ANKRD12: variants seen among roughly 807,000 people sequenced by gnomAD.
The protein encoded by ANKRD12 is ankyrin repeat domain 12, also known as ankyrin repeat domain-containing protein 12.
In ANKRD12, 85 loss-of-function variants were observed where a neutral mutation model predicts 183.4. The ratio of observed to expected loss-of-function variants is 0.46; its 90% CI spans 0.39 to 0.56. The LOEUF (loss-of-function observed/expected upper bound fraction) is 0.56, where lower values mean the gene tolerates loss of function less well. Ranked by LOEUF, ANKRD12 falls within the 20% of genes least tolerant of loss-of-function variation. The pLI is 0.00. For missense variants in ANKRD12, 2,405 were observed against 2,357.1 expected (o/e 1.02, Z -0.42); for synonymous variants, 914 against 800.2 (o/e 1.14, Z -2.40).
intron 10 of ANKRD12, among the ~76,000 whole-genome samples, chr18:9,269,620 C>A (rs2039489240): frequency 6.6e-6 from 1 of 152,158 alleles, no homozygotes; most frequent in South Asian, 2.1e-4. Context: ...AAAATTAATT[C>A]AAGATGGATT....
chr18:9,282,571 A>G lies in ANKRD12; in HGVS notation c.*1445A>G, dbSNP rs577198178. 2 of 152,656 alleles carry G rather than the reference A, an allele frequency of 1.3e-5. No homozygotes were observed. Among genetic ancestry groups the G allele is most frequent in the African/African-American group, 4.8e-5 (2 of 41,590 alleles). 9.5% of individuals were successfully genotyped at this position (152,656 alleles called of 1,614,324 possible). On this transcript the variant is annotated 3_prime_UTR_variant, in exon 13 of 13. Coordinates refer to ENST00000262126, the MANE Select transcript of ANKRD12 (RefSeq NM_015208.5). ...GAACTTGTTAGACATTTTTGAAAGGAAAATTAGGTTAGCGTACAATTTATC... is the reference window on the plus strand; with the variant it reads ...GAACTTGTTAGACATTTTTGAAAGGGAAATTAGGTTAGCGTACAATTTATC...
At position 9,176,979 on chromosome 18, in the gene ANKRD12, CTGTT is replaced by C. The variant is rs372508883; in HGVS notation, c.-51-5400_-51-5397del. On this transcript the variant is annotated intron_variant, in intron 1 of 12. Coordinates refer to ENST00000262126, the MANE Select transcript of ANKRD12 (RefSeq NM_015208.5). The stretch of plus-strand genomic sequence containing the variant: ...AGTCAGTTGCTGTTCGATACATAGA[CTGTT>C]TGGTCTGTAAGGAGCAAGAACATAC... 4.6e-3 allele frequency among the ~76,000 whole-genome samples: 693 copies of C among 152,284 alleles called. 2 individuals are homozygous for C. Among genetic ancestry groups the C allele is most frequent in the South Asian group, 8.1e-3 (39 of 4,830 alleles).
intron 6 of ANKRD12, among the ~76,000 whole-genome samples, chr18:9,216,455 A>G (rs535184101): frequency 6.6e-6 from 1 of 152,364 alleles, no homozygotes; most frequent in East Asian, 1.9e-4. Context: ...TAAGGCTTCC[A>G]GTTAACAGTA....
rs965145556 is a variant in ANKRD12, at chr18:9,205,753, T to TC, written c.304+1210dup. On this transcript the variant is annotated intron_variant, in intron 4 of 12. Coordinates refer to ENST00000262126, the MANE Select transcript of ANKRD12 (RefSeq NM_015208.5). ...CAGAGAGTAATGGCAAATTTTTTTT[T>TC]CAGAATTGAAGTATGTACATTGCAA... Among the ~76,000 whole-genome samples the TC allele has an allele frequency of 1.7e-3, 255 of 152,248 alleles. 1 individual carries two copies. The highest frequency in any genetic ancestry group is 5.5e-3 in the African/African-American group (227 of 41,570).
At chr18:9,223,292 C>T (rs185670951) in intron 8 of ANKRD12, among the ~76,000 whole-genome samples, 41 of 151,202 alleles carry the variant, frequency 2.7e-4, no homozygotes, top group Non-Finnish European at 4.3e-4. Flanking sequence ...CTCGCTCTGT[C>T]GCCCTGGCTG....
At chr18:9,188,144 A>G (rs761710952) in intron 2 of ANKRD12, among the ~76,000 whole-genome samples, 3 of 152,232 alleles carry the variant, frequency 2.0e-5, no homozygotes, top group Admixed American at 6.5e-5. Flanking sequence ...CTATTCAGCA[A>G]TAGCAGTAGC....
chr18:9,274,495 G>C (rs1568005898), intron 10 of ANKRD12, among the ~76,000 whole-genome samples: 1 of 152,260 alleles, frequency 6.6e-6, no homozygotes, highest in South Asian at 2.1e-4. Flanking sequence ...GTTCAAGATA[G>C]GTAATTCATA....
At chr18:9,207,235 G>A (rs552000471) in intron 4 of ANKRD12, among the ~76,000 whole-genome samples, 1 of 152,114 alleles carries the variant, frequency 6.6e-6, no homozygotes, top group East Asian at 1.9e-4. Flanking sequence ...CGTAAGTTAG[G>A]AAAAGTACTG....
At chr18:9,146,419 ACAC>A (rs2078495520) in intron 1 of ANKRD12, among the ~76,000 whole-genome samples, 1 of 152,212 alleles carries the variant, frequency 6.6e-6, no homozygotes, top group African/African-American at 2.4e-5. Context: ...ACAGTGGCAC[ACAC>A]CTGCAATCCC....
At chr18:9,228,104 AT>A (rs1468610667) in intron 8 of ANKRD12, among the ~76,000 whole-genome samples, 1 of 152,100 alleles carries the variant, frequency 6.6e-6, no homozygotes, top group African/African-American at 2.4e-5. Context: ...GTTGCTGCAA[AT>A]GACATCCATG....
chr18:9,192,295 C>T (rs1009416995), intron 2 of ANKRD12, among the ~76,000 whole-genome samples: 9 of 152,112 alleles, frequency 5.9e-5, no homozygotes, highest in Non-Finnish European at 1.2e-4. Context: ...TTATTCTTGT[C>T]ACTTTGTTCT....
chr18:9,257,468 A>G lies in ANKRD12; in HGVS notation c.4201A>G (p.Ser1401Gly). ...NTAPVNTVMD[S>G]PVHLEPSSQV... is the part of the protein sequence containing the mutation. ...TGCCCCAGTGAACACTGTAATGGAC[A>G]GTCCAGTGCATTTAGAGCCATCTAG... The change falls in exon 9 of 13, where the codon AGT becomes GGT. Residue 1401 changes from serine to glycine, a missense_variant. Around this residue, in one of 7 missense-constraint regions of ANKRD12, gnomAD observed 1,983 missense variants for 1,725.9 expected, o/e 1.15. Coordinates refer to ENST00000262126, the MANE Select transcript of ANKRD12 (RefSeq NM_015208.5). The G allele has an allele frequency of 6.2e-7, 1 of 1,614,146 alleles. No homozygotes were observed. Among genetic ancestry groups the G allele is most frequent in the Non-Finnish European group, 8.5e-7 (1 of 1,179,986 alleles).
chr18:9,244,274 TTTCTA>T (rs1484741353), intron 8 of ANKRD12, among the ~76,000 whole-genome samples: 1 of 152,232 alleles, frequency 6.6e-6, no homozygotes, highest in African/African-American at 2.4e-5. Context: ...TTGGATATAC[TTTCTA>T]TTCTTTTTCT....
intron 1 of ANKRD12, among the ~76,000 whole-genome samples, chr18:9,156,642 C>T (rs1351890462): frequency 6.6e-6 from 1 of 152,114 alleles, no homozygotes; most frequent in Non-Finnish European, 1.5e-5. Context: ...AAACTACAGG[C>T]ATCAAAAATA....
chr18:9,249,943 C>T (rs2038189617), intron 8 of ANKRD12, among the ~76,000 whole-genome samples: 1 of 152,124 alleles, frequency 6.6e-6, no homozygotes, highest in Non-Finnish European at 1.5e-5. Context: ...TGGTATAACA[C>T]ACTGTGAAAT....
rs1218125274 is a variant in ANKRD12, at chr18:9,257,629, T to C, written c.4362T>C (p.Ser1454=). The part of the protein sequence containing the change: ...QESSLQSFCN[S]ENKVLKENAD... ...CCTCTCTTCAGAGTTTTTGTAATTC[T>C]GAAAATAAGGTATTGAAAGAAAATG... is the stretch of plus-strand genomic sequence containing the variant. Residue 1454 remains serine, a synonymous_variant, in exon 9 of 13, where the codon TCT becomes TCC. Coordinates refer to ENST00000262126, the MANE Select transcript of ANKRD12 (RefSeq NM_015208.5). 1 of 1,614,016 alleles carries C rather than the reference T, an allele frequency of 6.2e-7. No homozygotes were observed. The highest frequency in any genetic ancestry group is 1.3e-5 in the African/African-American group (1 of 75,024).
At chr18:9,208,117 TG>T (rs1212500490) in intron 4 of ANKRD12, among the ~76,000 whole-genome samples, 1 of 152,194 alleles carries the variant, frequency 6.6e-6, no homozygotes, top group Non-Finnish European at 1.5e-5. Flanking sequence ...TGTCATTTCA[TG>T]TTCAGCTATC....
chr18:9,145,923 G>T lies in ANKRD12; in HGVS notation c.-52+8958G>T, dbSNP rs367597568. On this transcript the variant is annotated intron_variant, in intron 1 of 12. Coordinates refer to ENST00000262126, the MANE Select transcript of ANKRD12 (RefSeq NM_015208.5). ...TGGGCAACTTAAAATCTAGCAAGAA[G>T]AGGTAATTACCTAAAACCAAGATGC... Among the ~76,000 whole-genome samples, 19 of 152,320 alleles carry T rather than the reference G, an allele frequency of 1.2e-4. No homozygotes were observed. In the South Asian group the frequency reaches 3.3e-3, roughly 27 times the overall value.
chr18:9,246,958 T>G (rs186435380), intron 8 of ANKRD12, among the ~76,000 whole-genome samples: 157 of 149,542 alleles, frequency 1.0e-3, no homozygotes, highest in Non-Finnish European at 1.9e-3. Context: ...CCAGGCTGAT[T>G]GTTACTGAGT....
Sources: allele counts gnomAD v4.1 joint callset (sites outside exome capture counted in the v4.1 genomes callset), GRCh38; gene constraint gnomAD v4.1.1; regional missense constraint gnomAD v4.1.1; transcripts MANE v1.5; gene names NCBI Gene and HGNC (gene_info 2026-07-23, HGNC 2026-07-21).